CUX1: variants seen among roughly 807,000 people sequenced by gnomAD.
CUX1 encodes the protein cut like homeobox 1.
In CUX1, 31 loss-of-function variants were observed where a neutral mutation model predicts 158.8. The observed-to-expected ratio is 0.20, with a 90% CI of 0.15 to 0.26. CUX1 has a LOEUF of 0.26. Ranked by LOEUF, CUX1 falls within the 10% of genes least tolerant of loss-of-function variation. The pLI is 1.00. For missense variants in CUX1, 1,589 were observed against 2,014.6 expected (o/e 0.79, Z 4.04); for synonymous variants, 879 against 862.1 (o/e 1.02, Z -0.34).
chr7:101,952,968 C>T (rs1194005988), intron 2 of CUX1, among the ~76,000 whole-genome samples: 4 of 152,192 alleles, frequency 2.6e-5, no homozygotes, highest in Admixed American at 6.5e-5. Context: ...TAGACACCTC[C>T]GAAATGTGTG....
chr7:101,880,153 G>A (rs1799567884), intron 1 of CUX1, among the ~76,000 whole-genome samples: 1 of 151,994 alleles, frequency 6.6e-6, no homozygotes. Context: ...TCCAGAATGC[G>A]TTTATATAAT....
chr7:102,248,876 G>A lies in CUX1; in HGVS notation c.4352G>A (p.Arg1451His), dbSNP rs782575248. 4 of 1,343,074 alleles carry A rather than the reference G, an allele frequency of 3.0e-6. No individual in the cohort carries two copies. The highest frequency in any genetic ancestry group is 1.6e-5 in the African/African-American group (1 of 64,408). The allele number at this position is 1,343,074 out of a possible 1,614,324, so 83.2% of individuals were successfully genotyped here. Residue 1451 changes from arginine (R) to histidine (H), a missense_variant, in exon 24 of 24, where the codon CGC becomes CAC. Coordinates refer to ENST00000292535, the MANE Select transcript of CUX1 (RefSeq NM_181552.4). The surrounding 1 kb of genome is among the most constrained non-coding windows in gnomAD (Gnocchi z 5.8). ...PSNSSSSSAP[R>H]RPSSLQSLFG... Reference sequence around the variant, plus strand: ...AACAGCAGCAGCAGCAGCGCCCCCCGCAGGCCCAGCTCGCTGCAGAGCCTT... The same window carrying A: ...AACAGCAGCAGCAGCAGCGCCCCCCACAGGCCCAGCTCGCTGCAGAGCCTT...
intron 2 of CUX1, among the ~76,000 whole-genome samples, chr7:101,940,237 C>T (rs1204646552): frequency 9.8e-6 from 1 of 102,522 alleles, no homozygotes; most frequent in East Asian, 2.8e-4. Flanking sequence ...GAGACCCTGT[C>T]TCAGGAAAAA....
At chr7:102,001,947 T>G (rs549483205) in intron 2 of CUX1, among the ~76,000 whole-genome samples, 1 of 152,320 alleles carries the variant, frequency 6.6e-6, no homozygotes, top group South Asian at 2.1e-4. Flanking sequence ...TGGAAAAATG[T>G]GATTGATTTA....
chr7:102,157,045 G>A (rs577582379), intron 8 of CUX1, among the ~76,000 whole-genome samples: 6 of 152,342 alleles, frequency 3.9e-5, no homozygotes, highest in South Asian at 4.1e-4. Context: ...TCAGGCAGGC[G>A]GCGCAGGTGG....
chr7:102,073,627 A>G (rs761590492), intron 4 of CUX1, among the ~76,000 whole-genome samples: 1 of 152,200 alleles, frequency 6.6e-6, no homozygotes. Context: ...TTTCCCATAG[A>G]AAAAAGACCG....
intron 3 of CUX1, among the ~76,000 whole-genome samples, chr7:102,052,115 GGAGACT>G (rs1422625307): frequency 6.6e-6 from 1 of 152,020 alleles, no homozygotes; most frequent in Non-Finnish European, 1.5e-5. Flanking sequence ...CAGCTACTCA[GGAGACT>G]GAGGCAGGAG....
intron 1 of CUX1, among the ~76,000 whole-genome samples, chr7:101,823,384 C>T (rs564463289): frequency 6.6e-6 from 1 of 152,332 alleles, no homozygotes; most frequent in African/African-American, 2.4e-5. Context: ...TGACTTGGTT[C>T]TGCTTCCTTT....
At chr7:102,157,117 GCACA>G (rs1286569456) in intron 8 of CUX1, among the ~76,000 whole-genome samples, 1 of 152,190 alleles carries the variant, frequency 6.6e-6, no homozygotes, top group Non-Finnish European at 1.5e-5. Flanking sequence ...AGTTGTTAGA[GCACA>G]GGGTCCTGAG....
At chr7:101,826,166 G>A (rs1793270819) in intron 1 of CUX1, among the ~76,000 whole-genome samples, 1 of 152,002 alleles carries the variant, frequency 6.6e-6, no homozygotes, top group Non-Finnish European at 1.5e-5. Context: ...CTGTACATCT[G>A]AGCTTCAAGC....
At chr7:102,266,614 G>C (rs1277405960) in intron 14 of CUX1, among the ~76,000 whole-genome samples, 1 of 152,130 alleles carries the variant, frequency 6.6e-6, no homozygotes, top group Non-Finnish European at 1.5e-5. Flanking sequence ...GATGGTCCCT[G>C]TGCAGCAGCG....
At chr7:101,914,284 TTTA>T (rs1406462776) in intron 1 of CUX1, among the ~76,000 whole-genome samples, 1 of 151,990 alleles carries the variant, frequency 6.6e-6, no homozygotes, top group Non-Finnish European at 1.5e-5. Flanking sequence ...GGTTTGTTGT[TTTA>T]TTGTCGTTGT....
intron 9 of CUX1, among the ~76,000 whole-genome samples, chr7:102,165,608 GC>G (rs1790940914): frequency 2.0e-5 from 3 of 152,038 alleles, no homozygotes; most frequent in African/African-American, 7.2e-5. Context: ...CAAGTGATCT[GC>G]CCACCTCAGC....
intron 1 of CUX1, among the ~76,000 whole-genome samples, chr7:101,845,599 A>G (rs1377669904): frequency 6.6e-6 from 1 of 152,218 alleles, no homozygotes; most frequent in Non-Finnish European, 1.5e-5. Context: ...CTGCCAGGAC[A>G]GTTAACATGA....
chr7:102,239,272 G>A, intron 22 of CUX1, 48 bp from the exon 23 acceptor site: 8 of 1,558,128 alleles, frequency 5.1e-6, no homozygotes, highest in Non-Finnish European at 7.0e-6. Context: ...GATTTGGGCT[G>A]CTGTCCCAGC....
At chr7:101,856,079 C>T (rs182756362) in intron 1 of CUX1, among the ~76,000 whole-genome samples, 23 of 145,164 alleles carry the variant, frequency 1.6e-4, no homozygotes, top group African/African-American at 5.9e-4. Flanking sequence ...TCCTTGGGGG[C>T]TGAGGCTGAA....
intron 20 of CUX1, among the ~76,000 whole-genome samples, chr7:102,214,892 T>C (rs540404574): frequency 2.0e-5 from 3 of 152,380 alleles, no homozygotes; most frequent in Admixed American, 2.0e-4. Context: ...GTTGGGTCTG[T>C]CCTTTCCTTG....
chr7:102,030,093 C>T (rs1263580993), intron 3 of CUX1, among the ~76,000 whole-genome samples: 2 of 151,718 alleles, frequency 1.3e-5, no homozygotes, highest in Non-Finnish European at 2.9e-5. Context: ...CTCGCTGCAA[C>T]CTCCGCCTCC....
intron 2 of CUX1, chr7:101,959,420 T>C (rs1810185952): frequency 6.6e-6 from 1 of 152,168 alleles, no homozygotes. Context: ...AGAATTGCCT[T>C]CTTTCCTCCC....
Sources: allele counts gnomAD v4.1 joint callset (sites outside exome capture counted in the v4.1 genomes callset), GRCh38; gene constraint gnomAD v4.1.1; non-coding constraint Gnocchi (gnomAD v3.1); transcripts MANE v1.5; gene names NCBI Gene and HGNC (gene_info 2026-07-23, HGNC 2026-07-21).